The following SEMA6A variants were observed in gnomAD, a reference collection of about 807,000 sequenced individuals.
SEMA6A encodes the protein semaphorin-6A.
In SEMA6A, 25 loss-of-function variants were observed where a neutral mutation model predicts 96.8. That is an observed-to-expected ratio of 0.26 (90% CI 0.19 to 0.36). The LOEUF (loss-of-function observed/expected upper bound fraction) is 0.36, where lower values mean the gene tolerates loss of function less well. Among genes scored for constraint, SEMA6A ranks in the 10% least tolerant of loss-of-function variants. SEMA6A has a pLI of 1.00. For synonymous variants in SEMA6A, 612 were observed against 518.0 expected (o/e 1.18, Z -2.46); for missense variants, 1,363 against 1,323.1 (o/e 1.03, Z -0.47).
At chr5:116,476,326 G>C (rs913232352) in intron 15 of SEMA6A, among the ~76,000 whole-genome samples, 1 of 152,096 alleles carries the variant, frequency 6.6e-6, no homozygotes, top group Admixed American at 6.5e-5. Context: ...TCCTTTGGGG[G>C]CACTTTGTAC....
intron 3 of SEMA6A, chr5:116,498,364 CG>C (rs111424837): frequency 6.6e-6 from 1 of 151,974 alleles, no homozygotes; most frequent in South Asian, 2.1e-4. Flanking sequence ...AAAGAAAGAG[CG>C]GGGAGGTGAT....
chr5:116,474,058 C>A (rs62375057), intron 16 of SEMA6A, among the ~76,000 whole-genome samples: 1 of 152,254 alleles, frequency 6.6e-6, no homozygotes, highest in East Asian at 1.9e-4. Context: ...TCCTTAGGTT[C>A]TTCTGCCTGA....
At chr5:116,495,079 G>C (rs1757522487) in intron 6 of SEMA6A, among the ~76,000 whole-genome samples, 1 of 152,168 alleles carries the variant, frequency 6.6e-6, no homozygotes, top group Non-Finnish European at 1.5e-5. Flanking sequence ...TGTGCTCAGA[G>C]GTTAGATAGT....
At chr5:116,468,765 C>T (rs1192846645) in intron 17 of SEMA6A, 2 of 152,112 alleles carry the variant, frequency 1.3e-5, no homozygotes, top group Non-Finnish European at 2.9e-5. Flanking sequence ...CACAGAACAA[C>T]CTCTTGAACA....
At chr5:116,553,368 G>A (rs1760491400) in intron 1 of SEMA6A, among the ~76,000 whole-genome samples, 1 of 152,144 alleles carries the variant, frequency 6.6e-6, no homozygotes, top group African/African-American at 2.4e-5. Flanking sequence ...CCACAGCTCT[G>A]GCGGCTCACA....
intron 18 of SEMA6A, chr5:116,449,336 C>A (rs185544565): frequency 1.4e-6 from 1 of 702,116 alleles, no homozygotes; most frequent in South Asian, 1.5e-5. Flanking sequence ...TCTCGGGAGA[C>A]GCATTTTTCA....
At chr5:116,546,890 G>T (rs932829923) in intron 1 of SEMA6A, among the ~76,000 whole-genome samples, 1 of 152,034 alleles carries the variant, frequency 6.6e-6, no homozygotes, top group Non-Finnish European at 1.5e-5. Context: ...GCTCATTATC[G>T]CTAGTCTGAG....
intron 1 of SEMA6A, among the ~76,000 whole-genome samples, chr5:116,510,915 T>A (rs9327004): frequency 0.26 from 39,080 of 152,102 alleles, 7,286 homozygotes; most frequent in African/African-American, 0.53. Flanking sequence ...GTCTACTGAG[T>A]ATCTTCTGTG....
chr5:116,447,835 G>A lies in SEMA6A; in HGVS notation c.1895-24C>T, dbSNP rs146692563. 1,002 of 1,529,046 alleles carry A rather than the reference G, an allele frequency of 6.6e-4. 11 individuals are homozygous for A. The highest frequency in any genetic ancestry group is 4.0e-3 in the Middle Eastern group (23 of 5,718). The allele number at this position is 1,529,046 out of a possible 1,614,324, so 94.7% of individuals were successfully genotyped here. A position where few individuals can be genotyped will look rare whatever the true frequency, so the allele number is the denominator to read the frequency against. On this transcript the variant is annotated intron_variant, in intron 18 of 18. Coordinates refer to ENST00000343348, the MANE Select transcript of SEMA6A (RefSeq NM_020796.5). ...TCCTGCAATAGACATCGCATATGGC[G>A]TTAAGAAATGAAAGCACACCCCGAG...
In SEMA6A at chr5:116,446,501, G is replaced by T; in HGVS notation, c.*112C>A. 1 of 933,754 alleles carries T rather than the reference G, an allele frequency of 1.1e-6. No homozygotes were observed. The highest frequency in any genetic ancestry group is 1.5e-6 in the Non-Finnish European group (1 of 647,660). 57.8% of individuals were successfully genotyped at this position (933,754 alleles called of 1,614,324 possible). A position where few individuals can be genotyped will look rare whatever the true frequency, so the allele number is the denominator to read the frequency against. On this transcript the variant is annotated 3_prime_UTR_variant, in exon 19 of 19. Transcript: ENST00000343348. ...AGGAGGACCCAGCGTCCTCGGCTCT[G>T]CCGCAGGCCTTCTTGGTCTGGTGGG...
intron 7 of SEMA6A, among the ~76,000 whole-genome samples, chr5:116,490,246 A>T (rs1428786691): frequency 6.6e-6 from 1 of 152,234 alleles, no homozygotes; most frequent in Admixed American, 6.5e-5. Context: ...GGCCCAAAAA[A>T]TATCTACGAA....
chr5:116,460,986 T>C (rs1304806966), intron 18 of SEMA6A, among the ~76,000 whole-genome samples: 6 of 152,100 alleles, frequency 3.9e-5, no homozygotes, highest in African/African-American at 1.4e-4. Flanking sequence ...TTAAACTTTT[T>C]AATCTCTAAA....
rs1002711892 is a variant in SEMA6A at position 116,449,320 on chromosome 5, C to T, written c.1895-1509G>A. On this transcript the variant is annotated intron_variant, in intron 18 of 18. Coordinates refer to ENST00000343348, the MANE Select transcript of SEMA6A (RefSeq NM_020796.5). ...GATAGCAAGACAGAAAAGGTACCTT[C>T]TCTGGTCTCGGGAGACGCATTTTTC... The T allele has an allele frequency of 1.4e-5, 10 of 702,252 alleles. No individual in the cohort carries two copies. In the African/African-American group the frequency reaches 1.6e-4, roughly 11 times the overall value. The allele number at this position is 702,252 out of a possible 1,614,324, so 43.5% of individuals were successfully genotyped here.
rs888325468 is a variant in SEMA6A, at chr5:116,464,148, G to A, written c.1894+3435C>T. On this transcript the variant is annotated intron_variant, in intron 18 of 18. Coordinates refer to ENST00000343348, the MANE Select transcript of SEMA6A (RefSeq NM_020796.5). ...TCTTTCTTATTTATATGTGATTAGAGCCCCTTTGTAACTACCCATTACGAC... is the reference window on the plus strand; with the variant it reads ...TCTTTCTTATTTATATGTGATTAGAACCCCTTTGTAACTACCCATTACGAC... Among the ~76,000 whole-genome samples the A allele has an allele frequency of 2.0e-5, 3 of 152,144 alleles. No individual in the cohort carries two copies. The East Asian group carries it at 5.8e-4, about 29-fold the overall frequency.
At chr5:116,457,305 G>A (rs893532958) in intron 18 of SEMA6A, among the ~76,000 whole-genome samples, 3 of 152,044 alleles carry the variant, frequency 2.0e-5, no homozygotes, top group African/African-American at 4.8e-5. Flanking sequence ...GCTTTAATAC[G>A]TCCAAAAGGT....
Position 116,445,029 on chromosome 5 carries a change from G to C in SEMA6A, c.*1584C>G, listed in dbSNP as rs1042861579. ...TTTGACACACCCACAACAACACTGG[G>C]GTCCATGCTTCGCAGCACAGCCAAA... On this transcript the variant is annotated 3_prime_UTR_variant, in exon 19 of 19. Coordinates refer to ENST00000343348, the MANE Select transcript of SEMA6A (RefSeq NM_020796.5). 7.2e-5 allele frequency: 11 copies of C among 152,698 alleles called. No individual in the cohort carries two copies. The highest frequency in any genetic ancestry group is 2.4e-4 in the African/African-American group (10 of 41,462). 9.5% of individuals were successfully genotyped at this position (152,698 alleles called of 1,614,324 possible).
At chr5:116,496,946 A>T (rs907559387) in intron 4 of SEMA6A, among the ~76,000 whole-genome samples, 1 of 152,234 alleles carries the variant, frequency 6.6e-6, no homozygotes, top group African/African-American at 2.4e-5. Context: ...CAGCAGTCAA[A>T]TCAAACTTAA....
At chr5:116,452,608 A>G (rs779577978) in intron 18 of SEMA6A, among the ~76,000 whole-genome samples, 1 of 152,178 alleles carries the variant, frequency 6.6e-6, no homozygotes, top group African/African-American at 2.4e-5. Context: ...GCCCAATACA[A>G]TTCTGACTTT....
intron 1 of SEMA6A, among the ~76,000 whole-genome samples, chr5:116,516,818 T>C (rs1285600222): frequency 1.3e-5 from 2 of 152,200 alleles, no homozygotes. Flanking sequence ...AATTATAGGT[T>C]TGTTTGAATG....
Sources: gnomAD v4.1 joint callset for allele counts (sites outside exome capture counted in the v4.1 genomes callset) on GRCh38, gnomAD v4.1.1 for gene constraint, MANE v1.5 for transcripts, NCBI Gene and HGNC (gene_info 2026-07-23, HGNC 2026-07-21) for gene names.